LRMDA: variants seen among roughly 807,000 people sequenced by gnomAD.
LRMDA encodes the protein leucine-rich melanocyte differentiation-associated protein.
Under a neutral mutation model 29.8 loss-of-function variants are expected in LRMDA, and 18 were observed. The ratio of observed to expected loss-of-function variants is 0.60; its 90% CI spans 0.42 to 0.90. The LOEUF is 0.90. Among genes scored for constraint, LRMDA ranks in the 40% least tolerant of loss-of-function variants. LRMDA has a pLI of 0.00. For synonymous variants in LRMDA, 125 were observed against 109.4 expected (o/e 1.14, Z -0.89); for missense variants, 273 against 273.9 (o/e 1.00, Z 0.02).
intron 5 of LRMDA, among the ~76,000 whole-genome samples, chr10:76,290,411 C>CTTTTTTTTTTTT (rs11321369): frequency 2.6e-5 from 2 of 76,732 alleles, no homozygotes; most frequent in Non-Finnish European, 4.6e-5. Context: ...TTTATTTTCT[C>CTTTTTTTTTTTT]TTTTTTTTTT....
rs11001692 is a variant in LRMDA, at chr10:76,214,636, G to A, written c.517-109765G>A. Reference sequence around the variant, plus strand: ...TGGGATTACAGGTGTGAGCCACCGCGCCCGGCCGCAACATCATTTCTTAAT... The same window carrying A: ...TGGGATTACAGGTGTGAGCCACCGCACCCGGCCGCAACATCATTTCTTAAT... On this transcript the variant is annotated intron_variant, in intron 5 of 6. Coordinates refer to ENST00000611255, the MANE Select transcript of LRMDA (RefSeq NM_001305581.2). Among the ~76,000 whole-genome samples, 1,378 of 152,222 alleles carry A rather than the reference G, an allele frequency of 9.1e-3. 10 individuals carry two copies. Among genetic ancestry groups the A allele is most frequent in the Non-Finnish European group, 0.013 (869 of 68,002 alleles).
At chr10:75,631,069 A>G (rs1305558143) in intron 2 of LRMDA, among the ~76,000 whole-genome samples, 1 of 152,202 alleles carries the variant, frequency 6.6e-6, no homozygotes, top group Non-Finnish European at 1.5e-5. Context: ...CCTGCCCCAG[A>G]GCCAGGCCTG....
At chr10:75,922,528 A>T (rs1436433056) in intron 2 of LRMDA, among the ~76,000 whole-genome samples, 1 of 152,180 alleles carries the variant, frequency 6.6e-6, no homozygotes, top group African/African-American at 2.4e-5. Flanking sequence ...TGTGTGGTTC[A>T]TCATGAATCC....
rs1352224594 is a variant in LRMDA, at chr10:76,018,311, C to T, written c.132-17697C>T. Among the ~76,000 whole-genome samples the T allele has an allele frequency of 2.0e-5, 3 of 152,176 alleles. No homozygotes were observed. In the South Asian group the frequency reaches 6.2e-4, roughly 32 times the overall value. Reference sequence around the variant, plus strand: ...CTGGCCTCTGTTCACTAAATGCTAACAGCACCACCCAGTCATGACAATCAA... The same window carrying T: ...CTGGCCTCTGTTCACTAAATGCTAATAGCACCACCCAGTCATGACAATCAA... On this transcript the variant is annotated intron_variant, in intron 2 of 6. Transcript: ENST00000611255.
intron 5 of LRMDA, among the ~76,000 whole-genome samples, chr10:76,176,430 C>T (rs1850936034): frequency 6.6e-6 from 1 of 152,146 alleles, no homozygotes; most frequent in Admixed American, 6.5e-5. Context: ...TGCTTGGGGG[C>T]ATGCACTGGC....
rs1843589103 is a variant in LRMDA, at chr10:76,558,709, G to A, written c.*1421G>A. ...GGAGCTGCTATTGTAAAACTATGGG[G>A]ACTCAGAATCCCTAAGCTGCCCAAG... is the stretch of plus-strand genomic sequence containing the variant. On this transcript the variant is annotated 3_prime_UTR_variant, in exon 7 of 7. Coordinates refer to ENST00000611255, the MANE Select transcript of LRMDA (RefSeq NM_001305581.2). 1.3e-5 allele frequency: 2 copies of A among 152,130 alleles called. No homozygotes were observed. The highest frequency in any genetic ancestry group is 6.5e-5 in the Admixed American group (1 of 15,270). 9.4% of individuals were successfully genotyped at this position (152,130 alleles called of 1,614,324 possible).
intron 2 of LRMDA, among the ~76,000 whole-genome samples, chr10:75,740,375 G>T (rs944577773): frequency 2.6e-5 from 4 of 152,172 alleles, no homozygotes; most frequent in Non-Finnish European, 4.4e-5. Context: ...GTCATCACAG[G>T]CTGGTGGGGC....
At chr10:75,999,565 T>C (rs1332320954) in intron 2 of LRMDA, among the ~76,000 whole-genome samples, 1 of 152,208 alleles carries the variant, frequency 6.6e-6, no homozygotes, top group African/African-American at 2.4e-5. Flanking sequence ...GTGCCTCTAG[T>C]TCCTCTGTAA....
chr10:76,068,311 A>G (rs115567518), intron 5 of LRMDA, among the ~76,000 whole-genome samples: 199 of 152,318 alleles, frequency 1.3e-3, no homozygotes, highest in African/African-American at 4.7e-3. Flanking sequence ...GTTGTTCCCA[A>G]AAGCAAAGTT....
At chr10:76,271,701 A>C (rs1840070110) in intron 5 of LRMDA, among the ~76,000 whole-genome samples, 1 of 152,208 alleles carries the variant, frequency 6.6e-6, no homozygotes, top group Non-Finnish European at 1.5e-5. Flanking sequence ...TGTGGATGTT[A>C]CAGAACCTAA....
intron 5 of LRMDA, among the ~76,000 whole-genome samples, chr10:76,074,653 A>T (rs1015074199): frequency 7.2e-5 from 11 of 152,094 alleles, no homozygotes; most frequent in African/African-American, 2.7e-4. Flanking sequence ...AATGCCTGGA[A>T]CCCCAAGAAG....
intron 2 of LRMDA, among the ~76,000 whole-genome samples, chr10:75,565,093 A>G (rs1014550651): frequency 3.9e-5 from 6 of 152,186 alleles, no homozygotes; most frequent in East Asian, 1.9e-4. Flanking sequence ...ATAGTCCACA[A>G]AGATTTTCTA....
At chr10:76,537,555 A>G (rs1843304533) in intron 6 of LRMDA, among the ~76,000 whole-genome samples, 1 of 152,148 alleles carries the variant, frequency 6.6e-6, no homozygotes, top group Admixed American at 6.5e-5. Context: ...GGCCATACAT[A>G]TTCCTTGCTC....
At chr10:76,296,452 A>G (rs1321124451) in intron 5 of LRMDA, among the ~76,000 whole-genome samples, 1 of 152,210 alleles carries the variant, frequency 6.6e-6, no homozygotes, top group Non-Finnish European at 1.5e-5. Context: ...GAGCTACTCA[A>G]AGGGTTAACT....
At chr10:75,923,598 A>G (rs1846063878) in intron 2 of LRMDA, among the ~76,000 whole-genome samples, 1 of 152,166 alleles carries the variant, frequency 6.6e-6, no homozygotes, top group Non-Finnish European at 1.5e-5. Flanking sequence ...TTTGCAGTGA[A>G]TGCTTGCATT....
rs1848451086 is a variant in LRMDA at position 76,047,066 on chromosome 10, A to G, written c.259-98A>G. On this transcript the variant is annotated intron_variant, in intron 3 of 6. Transcript: ENST00000611255. ...ATTTCAGCCCCCACCCTGAGGTCTC[A>G]CAGGAGCAGACTGGACTCATCAGCG... is the stretch of plus-strand genomic sequence containing the variant. 4 of 1,337,464 alleles carry G rather than the reference A, an allele frequency of 3.0e-6. No individual in the cohort carries two copies. The Admixed American group carries it at 8.1e-5, about 27-fold the overall frequency. 82.8% of individuals were successfully genotyped at this position (1,337,464 alleles called of 1,614,324 possible).
intron 2 of LRMDA, among the ~76,000 whole-genome samples, chr10:76,025,730 A>C (rs1848052190): frequency 6.6e-6 from 1 of 152,210 alleles, no homozygotes; most frequent in Admixed American, 6.5e-5. Context: ...ATAAGGTATC[A>C]GCAGATGCTC....
intron 5 of LRMDA, among the ~76,000 whole-genome samples, chr10:76,202,797 A>G (rs988366338): frequency 1.3e-5 from 2 of 151,992 alleles, no homozygotes; most frequent in Non-Finnish European, 2.9e-5. Flanking sequence ...ATAATTCTCA[A>G]GCAGATGAAA....
rs1848109547 is a variant in LRMDA, at chr10:76,029,120, T to C, written c.132-6888T>C. On this transcript the variant is annotated intron_variant, in intron 2 of 6. Transcript: ENST00000611255. ...ATGAGCCATCATGCCTGGCCAACCA[T>C]TTTGAACTCTGAATACAATATATAT... is the stretch of plus-strand genomic sequence containing the variant. Among the ~76,000 whole-genome samples the C allele has an allele frequency of 2.6e-5, 4 of 152,258 alleles. No individual in the cohort carries two copies. In the South Asian group the frequency reaches 8.3e-4, roughly 32 times the overall value.
Sources: gnomAD v4.1 joint callset for allele counts (sites outside exome capture counted in the v4.1 genomes callset) on GRCh38, gnomAD v4.1.1 for gene constraint, MANE v1.5 for transcripts, NCBI Gene and HGNC (gene_info 2026-07-23, HGNC 2026-07-21) for gene names.